HDAC4: variants seen among roughly 807,000 people sequenced by gnomAD.
HDAC4 encodes the protein histone deacetylase 4, also known as histone deacetylase A.
HDAC4 carries 16 observed loss-of-function variants against 135.1 expected under a neutral mutation model. That is an observed-to-expected ratio of 0.12 (90% confidence interval 0.08 to 0.18). The LOEUF is 0.18. Among genes scored for constraint, HDAC4 ranks in the 10% least tolerant of loss-of-function variants. The pLI is 1.00. For synonymous variants in HDAC4, 685 were observed against 653.4 expected, an observed-to-expected ratio of 1.05 and a Z score of -0.74; for missense variants, 1,143 against 1,511.8, an observed-to-expected ratio of 0.76 and a Z score of 4.05.
intron 2 of HDAC4, among the ~76,000 whole-genome samples, chr2:239,296,035 A>C (rs2125564458): frequency 6.6e-6 from 1 of 152,364 alleles, no homozygotes; most frequent in East Asian, 1.9e-4. Flanking sequence ...AGAGCTGAGG[A>C]TGCTATCACG....
At chr2:239,184,331 TGGGG>T (rs369206319) in intron 4 of HDAC4, among the ~76,000 whole-genome samples, 1 of 95,856 alleles carries the variant, frequency 1.0e-5, no homozygotes, top group African/African-American at 4.2e-5. Flanking sequence ...CCTATGGTGG[TGGGG>T]GGGTCCCTCA....
rs1156666518 is a variant in HDAC4 at position 239,070,922 on chromosome 2, CTGT to C, written c.2751-2318_2751-2316del. ...GAATCTAACCATGTCAATGCAGTCTCTGTTGTTTTTTTTTTTTTTTTTTACATT... is the reference window on the plus strand; with the variant it reads ...GAATCTAACCATGTCAATGCAGTCTCTGTTTTTTTTTTTTTTTTTTACATT... On this transcript the variant is annotated intron_variant, in intron 22 of 26. Transcript: ENST00000543185. Among the ~76,000 whole-genome samples, 340 of 90,974 alleles carry C rather than the reference CTGT, an allele frequency of 3.7e-3. 2 individuals are homozygous for C. The highest frequency in any genetic ancestry group is 0.014 in the African/African-American group (307 of 21,242). The allele number at this position is 90,974 out of a possible 152,430, so 59.7% of individuals were successfully genotyped here. A position where few individuals can be genotyped will look rare whatever the true frequency, so the allele number is the denominator to read the frequency against.
intron 4 of HDAC4, among the ~76,000 whole-genome samples, chr2:239,184,438 C>T (rs1378246585): frequency 2.5e-4 from 32 of 130,116 alleles, no homozygotes; most frequent in African/African-American, 9.1e-4. Context: ...CAGTGTCTGT[C>T]CTGGAGGCTG....
chr2:239,122,088 C>T (rs373336768), intron 12 of HDAC4, among the ~76,000 whole-genome samples: 4 of 152,320 alleles, frequency 2.6e-5, no homozygotes, highest in South Asian at 2.1e-4. Flanking sequence ...CGGCCAAAAC[C>T]GAACTGGTAA....
At chr2:239,164,162 C>T (rs2152972547) in intron 5 of HDAC4, among the ~76,000 whole-genome samples, 1 of 152,204 alleles carries the variant, frequency 6.6e-6, no homozygotes, top group East Asian at 1.9e-4. Flanking sequence ...TTTAATCATC[C>T]GAAAGACTTA....
rs1330525085 is a variant in HDAC4, at chr2:239,285,228, G to A, written c.23-48564C>T. ...GATGAGCACAGAGCCACGGTGGAGG[G>A]GGACAGAGCCACGCTAAGGAGGAAC... On this transcript the variant is annotated intron_variant, in intron 2 of 26. Transcript: ENST00000543185. The surrounding 1 kb of genome is among the most constrained non-coding windows in gnomAD (Gnocchi z 4.5). Among the ~76,000 whole-genome samples the A allele has an allele frequency of 6.6e-6, 1 of 152,228 alleles. No individual in the cohort carries two copies. The highest frequency in any genetic ancestry group is 2.4e-5 in the African/African-American group (1 of 41,466).
intron 2 of HDAC4, among the ~76,000 whole-genome samples, chr2:239,273,649 C>G (rs574135673): frequency 6.6e-5 from 10 of 152,276 alleles, no homozygotes; most frequent in African/African-American, 1.7e-4. Flanking sequence ...GGCGCAGGCT[C>G]CAGCTGCAAC....
intron 3 of HDAC4, among the ~76,000 whole-genome samples, chr2:239,224,178 T>C (rs2047118431): frequency 6.6e-6 from 1 of 152,248 alleles, no homozygotes; most frequent in African/African-American, 2.4e-5. Flanking sequence ...TTCTGTTTCC[T>C]GCACAGCCCA....
chr2:239,117,581 AAAAAAAG>A (rs2039255904), intron 12 of HDAC4, among the ~76,000 whole-genome samples: 2 of 150,762 alleles, frequency 1.3e-5, no homozygotes, highest in South Asian at 4.2e-4. Context: ...AAAAAAAAAA[AAAAAAAG>A]CTCAGGAGAG....
chr2:239,368,375 G>A lies in HDAC4; in HGVS notation c.-219-15457C>T, dbSNP rs370007718. On this transcript the variant is annotated intron_variant, in intron 1 of 26. Transcript: ENST00000543185. ...CGATGAGAAGACCCTGAAATGCACC[G>A]TCCAAAGCACAGTACCATCTTGCGT... Among the ~76,000 whole-genome samples, 38 of 152,302 alleles carry A rather than the reference G, an allele frequency of 2.5e-4. No individual in the cohort carries two copies. In the South Asian group the frequency reaches 7.1e-3, roughly 28 times the overall value.
intron 1 of HDAC4, among the ~76,000 whole-genome samples, chr2:239,375,589 G>A (rs1184359979): frequency 1.3e-5 from 2 of 152,234 alleles, no homozygotes; most frequent in East Asian, 1.9e-4. Flanking sequence ...CTGGCACACG[G>A]ACACCACGGA....
At chr2:239,055,220 G>C in intron 24 of HDAC4, 1 of 288,224 alleles carries the variant, frequency 3.5e-6, no homozygotes, top group Non-Finnish European at 6.8e-6. Flanking sequence ...AAGAATGTCT[G>C]AATATCCCCT....
At position 239,204,337 on chromosome 2, in the gene HDAC4, C is replaced by T. The variant is rs767140020; in HGVS notation, c.95-14260G>A. On this transcript the variant is annotated intron_variant, in intron 3 of 26. Coordinates refer to ENST00000543185, the MANE Select transcript of HDAC4 (RefSeq NM_001378414.1). ...CCCTCCAGTTCAGGCAGTGGTGACTCGGCCTGGGCTTTATTAGAAAAGGCA... is the reference window on the plus strand; with the variant it reads ...CCCTCCAGTTCAGGCAGTGGTGACTTGGCCTGGGCTTTATTAGAAAAGGCA... 3.9e-5 allele frequency among the ~76,000 whole-genome samples: 6 copies of T among 152,336 alleles called. 1 individual carries two copies. Among genetic ancestry groups the T allele is most frequent in the South Asian group, 4.1e-4 (2 of 4,828 alleles).
intron 3 of HDAC4, among the ~76,000 whole-genome samples, chr2:239,203,128 G>A (rs1055305427): frequency 9.2e-5 from 14 of 152,132 alleles, no homozygotes; most frequent in African/African-American, 3.4e-4. Flanking sequence ...AAAGGCCAAG[G>A]GCCTGACCTG....
chr2:239,111,539 C>T lies in HDAC4; in HGVS notation c.1965G>A (p.Pro655=), dbSNP rs751264461. Residue 655 remains proline (P), a synonymous_variant, in exon 14 of 27, where the codon CCG becomes CCA. Coordinates refer to ENST00000543185, the MANE Select transcript of HDAC4 (RefSeq NM_001378414.1). ...GCCACGTGTTACCTGTCGTGAACCT[C>T]GGCTTGGTGGGGGGCTCCTGCACAG... is the stretch of plus-strand genomic sequence containing the variant. ...PVSVQEPPTK[P]RFTTGLVYDT... 2.6e-5 allele frequency: 42 copies of T among 1,612,186 alleles called. No individual in the cohort carries two copies. Among genetic ancestry groups the T allele is most frequent in the Non-Finnish European group, 3.3e-5 (39 of 1,179,734 alleles).
At chr2:239,104,916 C>T (rs2037982744) in intron 15 of HDAC4, among the ~76,000 whole-genome samples, 1 of 152,252 alleles carries the variant, frequency 6.6e-6, no homozygotes, top group Non-Finnish European at 1.5e-5. Flanking sequence ...ACAGAAAAGA[C>T]ACAGGATCAA....
chr2:239,149,418 C>T (rs2041969864), intron 7 of HDAC4, among the ~76,000 whole-genome samples: 1 of 151,844 alleles, frequency 6.6e-6, no homozygotes, highest in Non-Finnish European at 1.5e-5. Flanking sequence ...TTCTAAAAGA[C>T]AAATGACAGA....
chr2:239,283,393 A>G (rs1225598912), intron 2 of HDAC4, among the ~76,000 whole-genome samples: 1 of 152,242 alleles, frequency 6.6e-6, no homozygotes, highest in East Asian at 1.9e-4. Context: ...CTCAAACAGC[A>G]GAAAGCCTGG....
At chr2:239,090,402 A>G (rs1031122758) in intron 17 of HDAC4, among the ~76,000 whole-genome samples, 3 of 151,810 alleles carry the variant, frequency 2.0e-5, no homozygotes, top group Non-Finnish European at 2.9e-5. Context: ...CTTCCATCTA[A>G]AAGTAATGAT....
Sources: gnomAD v4.1 joint callset for allele counts (sites outside exome capture counted in the v4.1 genomes callset) on GRCh38, gnomAD v4.1.1 for gene constraint, Gnocchi (gnomAD v3.1) non-coding constraint, MANE v1.5 for transcripts, NCBI Gene and HGNC (gene_info 2026-07-23, HGNC 2026-07-21) for gene names.